The following AKR1C8 variants were observed in gnomAD, a reference collection of about 807,000 sequenced individuals.
AKR1C8 encodes aldo-keto reductase family 1 member C-like protein 1.
chr10:5,116,362 C>A, the AKR1C8 span, among the ~76,000 whole-genome samples: 1 of 152,046 alleles, frequency 6.6e-6, no homozygotes, highest in Non-Finnish European at 1.5e-5. Context: ...TCTAGGCCAG[C>A]AGAAGGTGAA....
chr10:5,144,605 G>T, the AKR1C8 span, among the ~76,000 whole-genome samples: 1 of 151,796 alleles, frequency 6.6e-6, no homozygotes, highest in African/African-American at 2.4e-5. Flanking sequence ...TTGTAAGTTG[G>T]ATTCCTAGGT....
the AKR1C8 span, among the ~76,000 whole-genome samples, chr10:5,163,392 A>T: frequency 6.6e-6 from 1 of 152,224 alleles, no homozygotes; most frequent in Middle Eastern, 3.2e-3. Context: ...TTCTCATGTT[A>T]TAGTTCTACC....
At chr10:5,148,254 G>A in the AKR1C8 span, among the ~76,000 whole-genome samples, 2 of 151,392 alleles carry the variant, frequency 1.3e-5, no homozygotes, top group African/African-American at 2.4e-5. Flanking sequence ...AGAGGAGGAG[G>A]GGAGAAGCAG....
the AKR1C8 span, among the ~76,000 whole-genome samples, chr10:5,127,281 C>T: frequency 1.3e-5 from 2 of 151,804 alleles, no homozygotes. Context: ...CAAAGAAAAA[C>T]CAATCAGAAC....
the AKR1C8 span, among the ~76,000 whole-genome samples, chr10:5,138,628 G>T: frequency 6.6e-6 from 1 of 152,106 alleles, no homozygotes; most frequent in Non-Finnish European, 1.5e-5. Context: ...TTAAAGTAAA[G>T]ACAGGCATAA....
At chr10:5,162,007 A>C in the AKR1C8 span, 1 of 522,238 alleles carries the variant, frequency 1.9e-6, no homozygotes. Context: ...ATGGATTATA[A>C]TTTCACACAT....
the AKR1C8 span, among the ~76,000 whole-genome samples, chr10:5,174,118 A>T: frequency 6.6e-6 from 1 of 152,000 alleles, no homozygotes; most frequent in South Asian, 2.1e-4. Context: ...ATACCTATTT[A>T]TTAGGCCCTA....
the AKR1C8 span, among the ~76,000 whole-genome samples, chr10:5,134,161 C>G: frequency 6.6e-6 from 1 of 152,152 alleles, no homozygotes; most frequent in Non-Finnish European, 1.5e-5. Flanking sequence ...TCACTGCCTT[C>G]CCCTGATACC....
chr10:5,125,008 CTT>C, the AKR1C8 span, among the ~76,000 whole-genome samples: 5 of 151,552 alleles, frequency 3.3e-5, no homozygotes, highest in Admixed American at 6.6e-5. Context: ...AAAAAGTTAA[CTT>C]ATCAAAATAC....
the AKR1C8 span, among the ~76,000 whole-genome samples, chr10:5,131,302 A>G: frequency 4.6e-5 from 7 of 152,214 alleles, 1 homozygote; most frequent in South Asian, 1.4e-3. Flanking sequence ...CCCAAAAGCA[A>G]ATGCACAAAA....
chr10:5,134,362 T>C, the AKR1C8 span, among the ~76,000 whole-genome samples: 7,836 of 152,244 alleles, frequency 0.051, 279 homozygotes, highest in Middle Eastern at 0.075. Flanking sequence ...ACAAATTTTA[T>C]ATGACTAGTC....
At chr10:5,144,647 G>C in the AKR1C8 span, among the ~76,000 whole-genome samples, 1 of 152,070 alleles carries the variant, frequency 6.6e-6, no homozygotes, top group Non-Finnish European at 1.5e-5. Context: ...TTGTGAATGG[G>C]AATTCACTCA....
At chr10:5,158,338 G>C in the AKR1C8 span, among the ~76,000 whole-genome samples, 1 of 152,174 alleles carries the variant, frequency 6.6e-6, no homozygotes, top group East Asian at 1.9e-4. Flanking sequence ...TACAGCCTAG[G>C]CAAATCTTAC....
chr10:5,157,490 G>C, the AKR1C8 span: 1 of 282,074 alleles, frequency 3.5e-6, no homozygotes, highest in African/African-American at 2.2e-5. Flanking sequence ...GTGCCCTCTC[G>C]TCGATCCTTC....
the AKR1C8 span, among the ~76,000 whole-genome samples, chr10:5,130,339 C>G: frequency 6.6e-6 from 1 of 151,936 alleles, no homozygotes. Context: ...AAGTTTAAAA[C>G]ATTCCCCTGA....
chr10:5,161,795 T>G, the AKR1C8 span: 2 of 534,594 alleles, frequency 3.7e-6, no homozygotes, highest in African/African-American at 3.9e-5. Flanking sequence ...ATTAGATAAT[T>G]CAGATGCTTA....
the AKR1C8 span, among the ~76,000 whole-genome samples, chr10:5,116,298 G>A: frequency 6.6e-6 from 1 of 151,976 alleles, no homozygotes; most frequent in Non-Finnish European, 1.5e-5. Flanking sequence ...TCAGTTTAAT[G>A]GAATTGTCAT....
At chr10:5,159,620 G>A in the AKR1C8 span, among the ~76,000 whole-genome samples, 1 of 151,926 alleles carries the variant, frequency 6.6e-6, no homozygotes, top group Non-Finnish European at 1.5e-5. Context: ...TCTCCACCTG[G>A]ACCATCCCGA....
chr10:5,160,088 T>C, the AKR1C8 span: 2 of 291,014 alleles, frequency 6.9e-6, no homozygotes, highest in Admixed American at 1.0e-4. Flanking sequence ...ATGCTGGAAA[T>C]CTGTTTTAAC....
Sources: allele counts gnomAD v4.1 joint callset (sites outside exome capture counted in the v4.1 genomes callset), GRCh38; gene constraint gnomAD v4.1.1; transcripts MANE v1.5; gene names NCBI Gene and HGNC (gene_info 2026-07-23, HGNC 2026-07-21).